The following CNBD1 variants were observed in gnomAD, a reference collection of about 807,000 sequenced individuals.
The protein encoded by CNBD1 is cyclic nucleotide binding domain containing 1.
Under a neutral mutation model 54.4 loss-of-function variants are expected in CNBD1, and 71 were observed. That is an observed-to-expected ratio of 1.30 (90% CI 1.08 to 1.59). CNBD1 has a LOEUF of 1.59. Ranked by LOEUF, CNBD1 falls within the 40% of genes most tolerant of loss-of-function variation. The probability of loss-of-function intolerance (pLI) is 0.00; values close to 1 mark genes in which losing one functional copy is unlikely to be tolerated. For missense variants in CNBD1, 659 were observed against 518.0 expected (o/e 1.27, Z -2.64); for synonymous variants, 182 against 170.7 (o/e 1.07, Z -0.51).
chr8:86,988,629 C>T (rs1472542130), intron 4 of CNBD1, among the ~76,000 whole-genome samples: 1 of 152,030 alleles, frequency 6.6e-6, no homozygotes, highest in Non-Finnish European at 1.5e-5. Flanking sequence ...AGATTTTATT[C>T]ATTCTATCTA....
intron 6 of CNBD1, among the ~76,000 whole-genome samples, chr8:87,251,882 T>C (rs1280898874): frequency 1.3e-5 from 2 of 151,970 alleles, no homozygotes; most frequent in Admixed American, 1.3e-4. Context: ...ACATGTATAC[T>C]TCTAAGCAAA....
At chr8:87,232,050 T>C (rs1807452446) in intron 5 of CNBD1, among the ~76,000 whole-genome samples, 1 of 152,184 alleles carries the variant, frequency 6.6e-6, no homozygotes, top group African/African-American at 2.4e-5. Flanking sequence ...TTGTGAAAAC[T>C]TTATTCCAAT....
At chr8:87,216,932 C>T (rs747839978) in intron 5 of CNBD1, among the ~76,000 whole-genome samples, 10 of 152,042 alleles carry the variant, frequency 6.6e-5, no homozygotes, top group East Asian at 1.9e-4. Flanking sequence ...GAAATCAGTG[C>T]CATTGCTTTT....
intron 4 of CNBD1, among the ~76,000 whole-genome samples, chr8:86,944,562 C>G (rs1029332613): frequency 4.6e-5 from 7 of 152,036 alleles, no homozygotes; most frequent in African/African-American, 7.2e-5. Flanking sequence ...AGTGCAAGAG[C>G]CCAGGTATTG....
intron 2 of CNBD1, among the ~76,000 whole-genome samples, chr8:87,399,061 C>A (rs1489768457): frequency 6.6e-6 from 1 of 152,038 alleles, no homozygotes; most frequent in Non-Finnish European, 1.5e-5. Context: ...AAAAAGAAAA[C>A]TACTTATTTC....
intron 2 of CNBD1, among the ~76,000 whole-genome samples, chr8:87,400,828 T>C (rs1807551658): frequency 6.6e-6 from 1 of 152,024 alleles, no homozygotes; most frequent in South Asian, 2.1e-4. Flanking sequence ...GACATAGTGA[T>C]TTCAACTTTG....
At position 86,907,670 on chromosome 8, in the gene CNBD1, A is replaced by C. The variant is rs565256878; in HGVS notation, c.272+2476A>C. 7.2e-5 allele frequency among the ~76,000 whole-genome samples: 11 copies of C among 152,188 alleles called. No individual in the cohort carries two copies. In the East Asian group the frequency reaches 9.7e-4, roughly 13 times the overall value. On this transcript the variant is annotated intron_variant, in intron 3 of 10. Transcript: ENST00000518476. ...AGACAGAGCATGACTCTATCTAAAA[A>C]AAAAACAAAAACAAAAAAACAAAAA...
Position 87,422,083 on chromosome 8 carries a change from G to C in CNBD1, c.214-6463G>C, listed in dbSNP as rs184669299. Among the ~76,000 whole-genome samples the C allele has an allele frequency of 3.8e-3, 548 of 144,704 alleles. 11 individuals are homozygous for C. Among genetic ancestry groups the C allele is most frequent in the African/African-American group, 0.014 (532 of 36,974 alleles). The allele number at this position is 144,704 out of a possible 152,430, so 94.9% of individuals were successfully genotyped here. A position where few individuals can be genotyped will look rare whatever the true frequency, so the allele number is the denominator to read the frequency against. ...CTGCATAAATGTCTTTGTTTGAGAA[G>C]TGTCTGTTCATATCCTTCACCCACT... is the stretch of plus-strand genomic sequence containing the variant. On this transcript the variant is annotated intron_variant, in intron 2 of 7. Transcript: ENST00000521593.
At chr8:87,330,570 A>C (rs1453822206) in intron 8 of CNBD1, among the ~76,000 whole-genome samples, 1 of 152,028 alleles carries the variant, frequency 6.6e-6, no homozygotes, top group Non-Finnish European at 1.5e-5. Context: ...GTGTTGTTTA[A>C]GTCTCAAAAT....
chr8:87,401,132 A>G (rs1220515460), intron 2 of CNBD1, among the ~76,000 whole-genome samples: 1 of 152,016 alleles, frequency 6.6e-6, no homozygotes, highest in African/African-American at 2.4e-5. Context: ...AGCTACATAT[A>G]AATATAATCT....
intron 4 of CNBD1, among the ~76,000 whole-genome samples, chr8:87,083,063 T>C (rs1811028094): frequency 6.6e-6 from 1 of 152,240 alleles, no homozygotes; most frequent in South Asian, 2.1e-4. Context: ...TGGGGAGTCA[T>C]GCCCTACAAA....
intron 6 of CNBD1, among the ~76,000 whole-genome samples, chr8:87,255,987 A>G (rs1563525934): frequency 0.024 from 264 of 10,778 alleles, 4 homozygotes; most frequent in Non-Finnish European, 0.032. Flanking sequence ...ATATATATAT[A>G]TATATATATA....
At chr8:87,223,058 T>A (rs1032950765) in intron 5 of CNBD1, among the ~76,000 whole-genome samples, 1 of 150,412 alleles carries the variant, frequency 6.6e-6, no homozygotes, top group African/African-American at 2.4e-5. Flanking sequence ...ATTTTTCTTT[T>A]TTTTTTTTTT....
intron 5 of CNBD1, among the ~76,000 whole-genome samples, chr8:87,228,713 C>G (rs934658998): frequency 1.3e-4 from 20 of 151,836 alleles, no homozygotes; most frequent in Admixed American, 6.6e-4. Flanking sequence ...TGCCCTGCCC[C>G]CAGAGGTGGA....
intron 4 of CNBD1, among the ~76,000 whole-genome samples, chr8:87,192,539 A>T (rs2915518): frequency 0.4 from 60,618 of 152,072 alleles, 13,580 homozygotes; most frequent in Non-Finnish European, 0.5. Flanking sequence ...TGGGCAAGTT[A>T]CTCAGCATAT....
intron 2 of CNBD1, among the ~76,000 whole-genome samples, chr8:87,423,508 G>A (rs1448714264): frequency 1.3e-5 from 2 of 151,438 alleles, no homozygotes; most frequent in Non-Finnish European, 2.9e-5. Flanking sequence ...TTTGTCAAAG[G>A]CCTTTTCTGC....
In CNBD1 at chr8:87,274,554, A is replaced by G. The variant is rs180883778; in HGVS notation, c.772-10124A>G. ...GAGCATTTTTTCTTGTTTTTTGGCTACATAAATGTCTTCTTTTGAGAAGTG... is the reference window on the plus strand; with the variant it reads ...GAGCATTTTTTCTTGTTTTTTGGCTGCATAAATGTCTTCTTTTGAGAAGTG... On this transcript the variant is annotated intron_variant, in intron 6 of 10. Transcript: ENST00000518476. 6.7e-3 allele frequency among the ~76,000 whole-genome samples: 991 copies of G among 148,100 alleles called. 18 individuals carry two copies. Among genetic ancestry groups the G allele is most frequent in the African/African-American group, 0.019 (737 of 39,102 alleles).
chr8:87,274,017 G>A (rs916940671), intron 6 of CNBD1, among the ~76,000 whole-genome samples: 55 of 149,024 alleles, frequency 3.7e-4, no homozygotes, highest in African/African-American at 9.6e-4. Context: ...GAGAATATGC[G>A]GTGTTTGGTT....
In CNBD1 at chr8:87,352,126, C is replaced by A. The variant is rs144718834; in HGVS notation, c.1152+332C>A. On this transcript the variant is annotated intron_variant, in intron 9 of 10. Coordinates refer to ENST00000518476, the MANE Select transcript of CNBD1 (RefSeq NM_173538.3). ...GCTAAGATGCACTTAATCATTTGACCTAATTCCACTCCAGATAGTTTCTCC... is the reference window on the plus strand; with the variant it reads ...GCTAAGATGCACTTAATCATTTGACATAATTCCACTCCAGATAGTTTCTCC... Among the ~76,000 whole-genome samples, 18 of 152,160 alleles carry A rather than the reference C, an allele frequency of 1.2e-4. No homozygotes were observed. The East Asian group carries it at 3.3e-3, about 28-fold the overall frequency.
Sources: allele counts gnomAD v4.1 joint callset (sites outside exome capture counted in the v4.1 genomes callset), GRCh38; gene constraint gnomAD v4.1.1; transcripts MANE v1.5; gene names NCBI Gene and HGNC (gene_info 2026-07-23, HGNC 2026-07-21).